Variants in TBL1XR1 observed in about 807,000 individuals in gnomAD.
TBL1XR1 encodes the protein F-box-like/WD repeat-containing protein TBL1XR1.
In TBL1XR1, 5 loss-of-function variants were observed where a neutral mutation model predicts 66.9. That is an observed-to-expected ratio of 0.07 (90% CI 0.04 to 0.16). The LOEUF (loss-of-function observed/expected upper bound fraction) is 0.16. Among genes scored for constraint, TBL1XR1 ranks in the 10% least tolerant of loss-of-function variants. The pLI, the probability that TBL1XR1 is intolerant of heterozygous loss-of-function variation, is 1.00. For synonymous variants in TBL1XR1, 210 were observed against 206.0 expected (o/e 1.02, Z -0.17); for missense variants, 238 against 623.2 (o/e 0.38, Z 6.58).
intron 2 of TBL1XR1, among the ~76,000 whole-genome samples, chr3:177,096,355 T>TACACACACACACACAC (rs1560170448): frequency 2.8e-5 from 2 of 70,680 alleles, no homozygotes; most frequent in Non-Finnish European, 6.3e-5. Context: ...CACACACACT[T>TACACACACACACACAC]AAATTTCTGT....
chr3:177,069,760 G>T (rs1719644539), intron 2 of TBL1XR1, among the ~76,000 whole-genome samples: 1 of 128,608 alleles, frequency 7.8e-6, no homozygotes, highest in Non-Finnish European at 1.6e-5. Context: ...GAAAGGAAAG[G>T]AAAGAAAGGA....
At chr3:177,054,078 G>GCA (rs1439152134) in intron 3 of TBL1XR1, among the ~76,000 whole-genome samples, 160 bp from the exon 4 acceptor site, 2 of 151,758 alleles carry the variant, frequency 1.3e-5, no homozygotes, top group Non-Finnish European at 2.9e-5. Context: ...GTGTGTGCGC[G>GCA]CGCGTGTGTG....
At chr3:177,199,725 C>G (rs916148331), upstream of TBL1XR1, among the ~76,000 whole-genome samples, 3 of 151,978 alleles carry the variant, frequency 2.0e-5, no homozygotes, top group Non-Finnish European at 4.4e-5. Context: ...GGTCTTCCAG[C>G]CTGAAGTTCT....
intron 1 of TBL1XR1, among the ~76,000 whole-genome samples, chr3:177,180,100 G>C (rs995534388): frequency 6.6e-6 from 1 of 151,886 alleles, no homozygotes; most frequent in Non-Finnish European, 1.5e-5. Flanking sequence ...AGCCAGGCAT[G>C]GTGGCACGTG....
intron 1 of TBL1XR1, among the ~76,000 whole-genome samples, chr3:177,105,797 T>C (rs1297970704): frequency 6.6e-6 from 1 of 151,870 alleles, no homozygotes; most frequent in African/African-American, 2.4e-5. Context: ...TGTGGGTGTG[T>C]GTGTGCATGT....
intron 1 of TBL1XR1, among the ~76,000 whole-genome samples, chr3:177,156,996 G>A (rs190468809): frequency 2.7e-4 from 41 of 152,344 alleles, no homozygotes; most frequent in African/African-American, 9.4e-4. Flanking sequence ...AGTTCTGTAA[G>A]TTACAAGTCT....
chr3:177,146,588 T>TGAAA (rs1462525701), intron 1 of TBL1XR1, among the ~76,000 whole-genome samples: 1 of 11,718 alleles, frequency 8.5e-5, no homozygotes, highest in African/African-American at 3.4e-4. Context: ...AGACTCCATC[T>TGAAA]CAAAAAAAAA....
At chr3:177,200,905 G>A (rs1223338190), upstream of TBL1XR1, among the ~76,000 whole-genome samples, 2 of 152,026 alleles carry the variant, frequency 1.3e-5, no homozygotes, top group South Asian at 4.2e-4. Flanking sequence ...TACTTGGGAG[G>A]CTGAGGCAGG....
At chr3:177,132,118 C>T (rs1254873508) in intron 1 of TBL1XR1, among the ~76,000 whole-genome samples, 2 of 152,182 alleles carry the variant, frequency 1.3e-5, no homozygotes, top group Non-Finnish European at 2.9e-5. Flanking sequence ...GCATTGTTTA[C>T]TGTTAACAGT....
At chr3:177,183,771 CTTTATT>C (rs1448344431) in intron 1 of TBL1XR1, among the ~76,000 whole-genome samples, 2 of 149,606 alleles carry the variant, frequency 1.3e-5, no homozygotes, top group Admixed American at 6.7e-5. Context: ...GACCAAAAAA[CTTTATT>C]TTTAAGAAAG....
chr3:177,072,937 A>T (rs926125643), intron 2 of TBL1XR1, among the ~76,000 whole-genome samples: 1 of 152,016 alleles, frequency 6.6e-6, no homozygotes, highest in Non-Finnish European at 1.5e-5. Flanking sequence ...GGTGGCATGC[A>T]CCTGTAATCT....
chr3:177,036,341 G>C (rs959666039), intron 12 of TBL1XR1, among the ~76,000 whole-genome samples: 1 of 152,240 alleles, frequency 6.6e-6, no homozygotes, highest in East Asian at 1.9e-4. Context: ...TCCTCCATTC[G>C]CATGACTCAG....
chr3:177,020,717 T>C lies in TBL1XR1; in HGVS notation c.*4781A>G, dbSNP rs1484525345. The C allele has an allele frequency of 1.3e-5, 2 of 152,148 alleles. No homozygotes were observed. The highest frequency in any genetic ancestry group is 6.5e-5 in the Admixed American group (1 of 15,272). The allele number at this position is 152,148 out of a possible 1,614,324, so 9.4% of individuals were successfully genotyped here. ...TAGTAAATAGTCTATATAAACTACA[T>C]AGACATCAAAGGTTTTATATATGTA... On this transcript the variant is annotated 3_prime_UTR_variant, in exon 16 of 16. Transcript: ENST00000457928.
intron 1 of TBL1XR1, chr3:177,195,479 A>C (rs915993068): frequency 6.6e-6 from 1 of 152,126 alleles, no homozygotes; most frequent in Non-Finnish European, 1.5e-5. Context: ...GGAAGTCGGC[A>C]TTACTAAAAT....
intron 13 of TBL1XR1, 50 bp from the exon 14 acceptor site, chr3:177,033,186 C>T: frequency 7.0e-7 from 1 of 1,438,246 alleles, no homozygotes. Context: ...AAATACTCCC[C>T]CAGCCTTGCT....
At chr3:177,193,448 C>T (rs957655051) in intron 1 of TBL1XR1, among the ~76,000 whole-genome samples, 1 of 151,928 alleles carries the variant, frequency 6.6e-6, no homozygotes, top group Non-Finnish European at 1.5e-5. Flanking sequence ...GTAGCTGGGA[C>T]TACAGGTACC....
intron 2 of TBL1XR1, among the ~76,000 whole-genome samples, chr3:177,074,082 A>G (rs1201631156): frequency 6.6e-6 from 1 of 152,330 alleles, no homozygotes; most frequent in South Asian, 2.1e-4. Context: ...TGTTTGCTAC[A>G]TAAGGAATAA....
At chr3:177,193,554 C>A (rs932347903) in intron 1 of TBL1XR1, among the ~76,000 whole-genome samples, 18 of 152,176 alleles carry the variant, frequency 1.2e-4, no homozygotes, top group African/African-American at 4.1e-4. Context: ...CGTGATCCGC[C>A]CGCCTTGGCC....
At chr3:177,188,332 T>C (rs1735697483) in intron 1 of TBL1XR1, among the ~76,000 whole-genome samples, 1 of 152,068 alleles carries the variant, frequency 6.6e-6, no homozygotes, top group South Asian at 2.1e-4. Context: ...GCAGATCACC[T>C]GAGGTCAGAG....
Sources: allele counts gnomAD v4.1 joint callset (sites outside exome capture counted in the v4.1 genomes callset), GRCh38; gene constraint gnomAD v4.1.1; transcripts MANE v1.5; gene names NCBI Gene and HGNC (gene_info 2026-07-23, HGNC 2026-07-21).